The following RYR2 variants were observed in gnomAD, a reference collection of about 807,000 sequenced individuals.
RYR2 encodes the protein ryanodine receptor 2, also known as cardiac muscle ryanodine receptor-calcium release channel.
Under a neutral mutation model 601.1 loss-of-function variants are expected in RYR2, and 227 were observed. The ratio of observed to expected loss-of-function variants is 0.38; its 90% CI spans 0.34 to 0.42. The LOEUF (loss-of-function observed/expected upper bound fraction) is 0.42, where lower values mean the gene tolerates loss of function less well. Ranked by LOEUF, RYR2 falls within the 10% of genes least tolerant of loss-of-function variation. The pLI is 1.00. For synonymous variants in RYR2, 2,223 were observed against 2,175.1 expected (o/e 1.02, Z -0.61); for missense variants, 4,646 against 6,156.5 (o/e 0.75, Z 8.21).
Position 237,705,337 on chromosome 1 carries a change from A to G in RYR2, c.9574A>G (p.Arg3192Gly), listed in dbSNP as rs751468805. ...CTACAATACCAAGTCTTCACGAGAA[A>G]GAGCAGGTAACACAGAAACATGTGC... is the stretch of plus-strand genomic sequence containing the variant. ...SIYNTKSSRE[R>G]AALSLPTNVE... The change falls in exon 67 of 105, where the codon AGA (arginine) becomes GGA (glycine). Residue 3192 changes from arginine to glycine, a missense_variant. By Grantham distance (125) the Arg-to-Gly change is moderately radical (BLOSUM62 -2). Around this residue, in one of 17 missense-constraint regions of RYR2, gnomAD observed 1,497 missense variants for 1,842.6 expected, o/e 0.81. Transcript: ENST00000366574. 2 of 1,604,152 alleles carry G rather than the reference A, an allele frequency of 1.2e-6. No homozygotes were observed. Among genetic ancestry groups the G allele is most frequent in the Non-Finnish European group, 1.7e-6 (2 of 1,174,540 alleles).
At chr1:237,084,882 G>A (rs1380340002) in intron 1 of RYR2, among the ~76,000 whole-genome samples, 2 of 152,348 alleles carry the variant, frequency 1.3e-5, no homozygotes, top group Admixed American at 6.5e-5. Flanking sequence ...GGCCGGGGCC[G>A]GCCCTCTTGT....
rs1022617404 is a variant in RYR2, at chr1:237,426,890, A to G, written c.1005+3642A>G. Reference sequence around the variant, plus strand: ...GAGACCAAGACTTTATAGAAAAACTAAAAATAAAAAAATTAACAGGCAAAA... The same window carrying G: ...GAGACCAAGACTTTATAGAAAAACTGAAAATAAAAAAATTAACAGGCAAAA... On this transcript the variant is annotated intron_variant, in intron 12 of 104. Transcript: ENST00000366574. 1.0e-3 allele frequency among the ~76,000 whole-genome samples: 156 copies of G among 152,292 alleles called. 1 individual carries two copies. Among genetic ancestry groups the G allele is most frequent in the African/African-American group, 3.5e-3 (147 of 41,548 alleles).
At chr1:237,160,407 A>G (rs547783630) in intron 1 of RYR2, among the ~76,000 whole-genome samples, 70 of 152,304 alleles carry the variant, frequency 4.6e-4, no homozygotes, top group Non-Finnish European at 7.1e-4. Context: ...CTACTGATCA[A>G]TAGTATCAAG....
intron 3 of RYR2, among the ~76,000 whole-genome samples, chr1:237,352,516 C>G (rs1698945321): frequency 6.6e-6 from 1 of 152,130 alleles, no homozygotes; most frequent in African/African-American, 2.4e-5. Context: ...GATGACAGTT[C>G]TCTTCCAATT....
At chr1:237,193,933 G>T (rs1052410850) in intron 1 of RYR2, among the ~76,000 whole-genome samples, 1 of 152,040 alleles carries the variant, frequency 6.6e-6, no homozygotes, top group African/African-American at 2.4e-5. Context: ...CCTTTCTCTT[G>T]CGTCAAACAT....
intron 1 of RYR2, among the ~76,000 whole-genome samples, chr1:237,227,992 T>G (rs190184748): frequency 6.6e-6 from 1 of 151,966 alleles, no homozygotes; most frequent in South Asian, 2.1e-4. Flanking sequence ...TTGATTTCCA[T>G]AGGTTTTTGG....
chr1:237,421,025 G>C (rs887980994), intron 11 of RYR2, among the ~76,000 whole-genome samples: 2 of 152,172 alleles, frequency 1.3e-5, no homozygotes, highest in African/African-American at 4.8e-5. Context: ...CAGATCACAA[G>C]GTCAGGAGAT....
At chr1:237,676,525 G>A (rs746355703) in intron 60 of RYR2, among the ~76,000 whole-genome samples, 3 of 152,154 alleles carry the variant, frequency 2.0e-5, no homozygotes, top group East Asian at 1.9e-4. Flanking sequence ...TGTGTGTACC[G>A]TTTTCAGATG....
chr1:237,820,335 C>A (rs1662334963), intron 101 of RYR2, among the ~76,000 whole-genome samples: 1 of 152,104 alleles, frequency 6.6e-6, no homozygotes, highest in Non-Finnish European at 1.5e-5. Context: ...GTTCATCTCA[C>A]TGGGACTGGT....
At chr1:237,704,639 C>G (rs1435422498) in intron 66 of RYR2, among the ~76,000 whole-genome samples, 2 of 151,696 alleles carry the variant, frequency 1.3e-5, no homozygotes, top group African/African-American at 4.8e-5. Context: ...TTCGAGGTCA[C>G]TTTTTTAGGT....
rs149070248 is a variant in RYR2, at chr1:237,671,610, T to A, written c.8591-2486T>A. ...AAGAATCAGGGCCAAAGCTGCACAGTTTTGTTTTCACCCATTCTCTTCTCT... is the reference window on the plus strand; with the variant it reads ...AAGAATCAGGGCCAAAGCTGCACAGATTTGTTTTCACCCATTCTCTTCTCT... On this transcript the variant is annotated intron_variant, in intron 58 of 104. Coordinates refer to ENST00000366574, the MANE Select transcript of RYR2 (RefSeq NM_001035.3). Among the ~76,000 whole-genome samples the A allele has an allele frequency of 1.5e-3, 234 of 151,902 alleles. 2 individuals are homozygous for A. The highest frequency in any genetic ancestry group is 5.0e-3 in the African/African-American group (207 of 41,426).
At chr1:237,399,589 A>G (rs924076211) in intron 10 of RYR2, among the ~76,000 whole-genome samples, 7 of 152,174 alleles carry the variant, frequency 4.6e-5, no homozygotes, top group Non-Finnish European at 1.0e-4. Context: ...GAAGGGTGTC[A>G]CTCACATCAA....
At chr1:237,688,149 G>A (rs557215963) in intron 63 of RYR2, among the ~76,000 whole-genome samples, 20 of 152,332 alleles carry the variant, frequency 1.3e-4, no homozygotes, top group South Asian at 1.2e-3. Flanking sequence ...TTTCCCTGCC[G>A]TGGGGCTTTA....
At chr1:237,370,434 T>A (rs997680751) in intron 6 of RYR2, among the ~76,000 whole-genome samples, 2 of 151,880 alleles carry the variant, frequency 1.3e-5, no homozygotes, top group African/African-American at 2.4e-5. Context: ...AAGAAAAAAA[T>A]ATTTTCTACA....
intron 41 of RYR2, among the ~76,000 whole-genome samples, chr1:237,630,224 T>G: frequency 6.6e-6 from 1 of 152,176 alleles, no homozygotes; most frequent in Non-Finnish European, 1.5e-5. Context: ...AGAGAGATTC[T>G]TAGTAAATGA....
chr1:237,121,973 C>G (rs1443316595), intron 1 of RYR2, among the ~76,000 whole-genome samples: 1 of 152,134 alleles, frequency 6.6e-6, no homozygotes, highest in Non-Finnish European at 1.5e-5. Context: ...GTGGCTGATT[C>G]CTGAAAATAC....
chr1:237,505,240 T>C (rs1665097541), intron 22 of RYR2, among the ~76,000 whole-genome samples: 1 of 152,194 alleles, frequency 6.6e-6, no homozygotes, highest in Non-Finnish European at 1.5e-5. Context: ...TAGCTGTTGT[T>C]CCTCTTTTTC....
intron 68 of RYR2, among the ~76,000 whole-genome samples, chr1:237,708,320 A>G (rs915703513): frequency 3.9e-5 from 6 of 152,176 alleles, no homozygotes; most frequent in African/African-American, 9.7e-5. Flanking sequence ...CAGTGCATAT[A>G]TGTTACTTTC....
chr1:237,687,334 A>G (rs555428260), intron 62 of RYR2, 121 bp from the exon 63 acceptor site: 7 of 635,502 alleles, frequency 1.1e-5, no homozygotes, highest in African/African-American at 4.2e-5. Context: ...TCCGGCTCAT[A>G]TATCAGCTGT....
Sources: gnomAD v4.1 joint callset for allele counts (sites outside exome capture counted in the v4.1 genomes callset) on GRCh38, gnomAD v4.1.1 for gene constraint, gnomAD v4.1.1 regional missense constraint, MANE v1.5 for transcripts, NCBI Gene and HGNC (gene_info 2026-07-23, HGNC 2026-07-21) for gene names.